ARFGEF3: variants seen among roughly 807,000 people sequenced by gnomAD.
The protein encoded by ARFGEF3 is ARFGEF family member 3, also known as brefeldin A-inhibited guanine nucleotide-exchange protein 3.
A neutral mutation model predicts 221.7 loss-of-function variants in ARFGEF3; 96 were observed. The ratio of observed to expected loss-of-function variants is 0.43; its 90% CI spans 0.37 to 0.51. The LOEUF is 0.51. ARFGEF3 is among the 20% of genes least tolerant of loss of function. The probability of loss-of-function intolerance (pLI) is 0.00; values close to 1 mark genes in which losing one functional copy is unlikely to be tolerated. For missense variants in ARFGEF3, 2,410 were observed against 2,789.9 expected (o/e 0.86, Z 3.07); for synonymous variants, 1,145 against 1,126.8 (o/e 1.02, Z -0.32).
rs760342434 is a variant in ARFGEF3 at position 138,286,836 on chromosome 6, A to G, written c.2705A>G (p.Glu902Gly). The G allele has an allele frequency of 4.3e-6, 7 of 1,614,034 alleles. No homozygotes were observed. The highest frequency in any genetic ancestry group is 1.7e-6 in the Non-Finnish European group (2 of 1,179,902). The change falls in exon 16 of 34, where the codon GAG becomes GGG. Residue 902 changes from glutamate to glycine, a missense_variant. Around this residue, in one of 5 missense-constraint regions of ARFGEF3, gnomAD observed 594 missense variants for 734.3 expected, o/e 0.81. Transcript: ENST00000251691. Reference protein sequence around the residue: ...AFILGAEGIKEQNQKERDAIC... With the variant: ...AFILGAEGIKGQNQKERDAIC... ...ATTCTGGGAGCTGAAGGCATCAAAGAGCAGAACCAGAAGGAGCGGGACGCC... is the reference window on the plus strand; with the variant it reads ...ATTCTGGGAGCTGAAGGCATCAAAGGGCAGAACCAGAAGGAGCGGGACGCC...
chr6:138,221,187 G>T (rs902337920), intron 4 of ARFGEF3, among the ~76,000 whole-genome samples: 4 of 152,122 alleles, frequency 2.6e-5, no homozygotes, highest in African/African-American at 9.7e-5. Flanking sequence ...GGCAGTGGCA[G>T]GGAAAATTGA....
intron 4 of ARFGEF3, chr6:138,218,511 C>T: frequency 1.4e-6 from 2 of 1,428,002 alleles, no homozygotes; most frequent in Non-Finnish European, 1.8e-6. Context: ...AGCCATGATT[C>T]CACAATCTAA....
chr6:138,287,355 T>C (rs557958009), intron 17 of ARFGEF3, among the ~76,000 whole-genome samples, 171 bp downstream of exon 17: 1 of 152,214 alleles, frequency 6.6e-6, no homozygotes, highest in African/African-American at 2.4e-5. Context: ...GTCTCTTCCA[T>C]GTAGGTGACC....
At chr6:138,217,714 AAC>A (rs1777896543) in intron 4 of ARFGEF3, 2 of 362,602 alleles carry the variant, frequency 5.5e-6, no homozygotes, top group Non-Finnish European at 9.5e-6. Flanking sequence ...GAGAGACAGA[AAC>A]ACATGTGGTA....
At chr6:138,189,135 C>T (rs1050746790) in intron 2 of ARFGEF3, among the ~76,000 whole-genome samples, 4 of 152,160 alleles carry the variant, frequency 2.6e-5, no homozygotes, top group Non-Finnish European at 5.9e-5. Context: ...TAGCAGAGGA[C>T]AGGAGCTGTA....
intron 2 of ARFGEF3, among the ~76,000 whole-genome samples, chr6:138,187,318 C>G (rs1777209087): frequency 6.6e-6 from 1 of 152,218 alleles, no homozygotes; most frequent in Non-Finnish European, 1.5e-5. Flanking sequence ...GGATTATCCC[C>G]TCTGTTTGTT....
rs1485931044 is a variant in ARFGEF3, at chr6:138,263,418, G to A, written c.1935G>A (p.Arg645=). Residue 645 remains arginine, a synonymous_variant, in exon 12 of 34, where the codon CGG becomes CGA. Coordinates refer to ENST00000251691, the MANE Select transcript of ARFGEF3 (RefSeq NM_020340.5). Reference sequence around the variant, plus strand: ...TAGCCGATGAAGAGCAGACACCCCGGGACTGCCTAGGCCACCGGTCCCTGC... The same window carrying A: ...TAGCCGATGAAGAGCAGACACCCCGAGACTGCCTAGGCCACCGGTCCCTGC... ...CSLADEEQTP[R]DCLGHRSLRT... The A allele has an allele frequency of 6.2e-7, 1 of 1,613,932 alleles. No homozygotes were observed. Among genetic ancestry groups the A allele is most frequent in the East Asian group, 2.2e-5 (1 of 44,878 alleles).
In ARFGEF3 at chr6:138,334,799, G is replaced by T; in HGVS notation, c.5953G>T (p.Asp1985Tyr). ...ESLSLKAGGGDLLLPPSPKVE... is the reference protein window; with the variant it reads ...ESLSLKAGGGYLLLPPSPKVE... ...CCTGAGCCTGAAGGCCGGTGGTGGG[G>T]ACCTGCTGCTGCCCCCCAGCCCCAA... is the stretch of plus-strand genomic sequence containing the variant. The change falls in exon 33 of 34, where the codon GAC becomes TAC. Residue 1985 changes from aspartate (D) to tyrosine (Y), a missense_variant. Asp to Tyr is a radical substitution (Grantham distance 160). Coordinates refer to ENST00000251691, the MANE Select transcript of ARFGEF3 (RefSeq NM_020340.5). This position sits in a 1 kb window ranked among gnomAD's most constrained non-coding sequence, Gnocchi z 5.1. The T allele has an allele frequency of 1.2e-6, 2 of 1,604,842 alleles. No homozygotes were observed. The highest frequency in any genetic ancestry group is 1.7e-6 in the Non-Finnish European group (2 of 1,175,944).
intron 22 of ARFGEF3, among the ~76,000 whole-genome samples, chr6:138,300,696 G>C (rs528687577): frequency 6.6e-6 from 1 of 152,156 alleles, no homozygotes; most frequent in Non-Finnish European, 1.5e-5. Flanking sequence ...AATAAAAGAC[G>C]GGGAAGCTCA....
At chr6:138,194,096 C>T (rs6921370) in intron 2 of ARFGEF3, among the ~76,000 whole-genome samples, 9,387 of 151,954 alleles carry the variant, frequency 0.062, 985 homozygotes, top group African/African-American at 0.21. Flanking sequence ...GATGAAACCC[C>T]GTCTCTACTA....
intron 6 of ARFGEF3, among the ~76,000 whole-genome samples, chr6:138,241,712 G>C (rs989028464): frequency 6.6e-6 from 1 of 152,180 alleles, no homozygotes; most frequent in Non-Finnish European, 1.5e-5. Flanking sequence ...AAATGCAGTG[G>C]AAAGAAAATA....
intron 26 of ARFGEF3, among the ~76,000 whole-genome samples, chr6:138,315,790 C>T (rs1371206493): frequency 6.6e-6 from 1 of 150,748 alleles, no homozygotes; most frequent in Non-Finnish European, 1.5e-5. Context: ...GTGGAGGTTG[C>T]AGTGAGCCGA....
At chr6:138,294,226 C>T (rs748464888) in intron 20 of ARFGEF3, 100 bp downstream of exon 20, 26 of 1,255,208 alleles carry the variant, frequency 2.1e-5, no homozygotes, top group Non-Finnish European at 2.9e-5. Context: ...CTCCACATTC[C>T]CATTGCTTAC....
chr6:138,269,434 C>T (rs902249467), intron 12 of ARFGEF3, among the ~76,000 whole-genome samples: 2 of 152,208 alleles, frequency 1.3e-5, no homozygotes, highest in Non-Finnish European at 2.9e-5. Context: ...GGTAAAATTA[C>T]AGGAAGAAAA....
intron 18 of ARFGEF3, among the ~76,000 whole-genome samples, chr6:138,290,625 A>G (rs112853135): frequency 3.9e-5 from 6 of 152,332 alleles, no homozygotes; most frequent in African/African-American, 1.4e-4. Flanking sequence ...CGTCTCCCCA[A>G]GCATTGCATC....
chr6:138,190,087 A>T (rs982428811), intron 2 of ARFGEF3, among the ~76,000 whole-genome samples: 1 of 152,054 alleles, frequency 6.6e-6, no homozygotes, highest in Non-Finnish European at 1.5e-5. Context: ...CTGTCTCAAA[A>T]AAAATAAAAT....
intron 31 of ARFGEF3, among the ~76,000 whole-genome samples, chr6:138,326,905 G>A (rs114826531): frequency 7.6e-4 from 116 of 152,238 alleles, no homozygotes; most frequent in African/African-American, 2.2e-3. Context: ...TGTGGTGCAC[G>A]GAATACTATG....
intron 2 of ARFGEF3, among the ~76,000 whole-genome samples, chr6:138,173,291 A>T (rs1253586276): frequency 6.6e-6 from 1 of 152,224 alleles, no homozygotes; most frequent in African/African-American, 2.4e-5. Flanking sequence ...ATTATGATGA[A>T]AAAATTTGAA....
chr6:138,271,290 G>A (rs1464389077), intron 12 of ARFGEF3, among the ~76,000 whole-genome samples: 1 of 152,164 alleles, frequency 6.6e-6, no homozygotes, highest in African/African-American at 2.4e-5. Flanking sequence ...AACGTAGTAA[G>A]ACCTCGTCTC....
Sources: allele counts gnomAD v4.1 joint callset (sites outside exome capture counted in the v4.1 genomes callset), GRCh38; gene constraint gnomAD v4.1.1; regional missense constraint gnomAD v4.1.1; non-coding constraint Gnocchi (gnomAD v3.1); transcripts MANE v1.5; gene names NCBI Gene and HGNC (gene_info 2026-07-23, HGNC 2026-07-21).